The following DCDC1 variants were observed in gnomAD, a reference collection of about 807,000 sequenced individuals.
DCDC1 encodes doublecortin domain-containing protein 1.
DCDC1 carries 200 observed loss-of-function variants against 178.3 expected under a neutral mutation model. That is an observed-to-expected ratio of 1.12 (90% CI 1.00 to 1.26). DCDC1 has a LOEUF of 1.26. Among genes scored for constraint, DCDC1 ranks in the 50% most tolerant of loss-of-function variants. DCDC1 has a pLI of 0.00. For synonymous variants in DCDC1, 690 were observed against 604.8 expected, an observed-to-expected ratio of 1.14 and a Z score of -2.07; for missense variants, 1,983 against 1,749.2, an observed-to-expected ratio of 1.13 and a Z score of -2.38.
chr11:31,208,338 C>A (rs1972103230), intron 9 of DCDC1, among the ~76,000 whole-genome samples: 1 of 152,142 alleles, frequency 6.6e-6, no homozygotes, highest in African/African-American at 2.4e-5. Flanking sequence ...TCTTGCCTTT[C>A]CCTCACACAC....
At chr11:31,142,459 T>A (rs1180240820) in intron 9 of DCDC1, among the ~76,000 whole-genome samples, 4 of 150,864 alleles carry the variant, frequency 2.7e-5, no homozygotes, top group Non-Finnish European at 5.9e-5. Flanking sequence ...GACTATCAAA[T>A]GGAGTTTTCA....
intron 1 of DCDC1, among the ~76,000 whole-genome samples, chr11:31,369,266 T>C (rs1379707542): frequency 6.6e-6 from 1 of 152,210 alleles, no homozygotes; most frequent in Non-Finnish European, 1.5e-5. Context: ...AACGTTTTTA[T>C]GTTGTAAGTT....
chr11:30,869,147 G>C (rs904305077), intron 38 of DCDC1, among the ~76,000 whole-genome samples: 22 of 152,204 alleles, frequency 1.4e-4, no homozygotes, highest in Admixed American at 1.4e-3. Context: ...CAGGCTGTTG[G>C]AGTGTTTTGA....
At chr11:31,083,254 C>G (rs927125036) in intron 17 of DCDC1, among the ~76,000 whole-genome samples, 7 of 152,128 alleles carry the variant, frequency 4.6e-5, no homozygotes, top group Admixed American at 1.3e-4. Context: ...TGAAATTGGA[C>G]AGGGTTCCAT....
rs1940839923 is a variant in DCDC1 at position 30,864,649 on chromosome 11, G to A, written c.*724C>T. The A allele has an allele frequency of 6.6e-6, 1 of 152,230 alleles. No individual in the cohort carries two copies. The highest frequency in any genetic ancestry group is 1.5e-5 in the Non-Finnish European group (1 of 68,042). 9.4% of individuals were successfully genotyped at this position (152,230 alleles called of 1,614,324 possible). ...ATGAGTTTTATCAGTGAGCCCTTGT[G>A]GGTAGAGCTCTGTCCCAAGTAAATA... On this transcript the variant is annotated 3_prime_UTR_variant, in exon 39 of 39. Transcript: ENST00000684477.
rs1218448643 is a variant in DCDC1, at chr11:31,290,758, A to G, written c.849T>C (p.Ser283=). 6.2e-7 allele frequency: 1 copy of G among 1,613,418 alleles called. No individual in the cohort carries two copies. Among genetic ancestry groups the G allele is most frequent in the African/African-American group, 1.3e-5 (1 of 74,904 alleles). ...IKRRKTKPVL[S]IRMKKLTERT... Reference sequence around the variant, plus strand: ...TCTCAGTAAGTTTCTTCATTCTAATAGAAAGAACAGGCTTGGTTTTCCGTC... The same window carrying G: ...TCTCAGTAAGTTTCTTCATTCTAATGGAAAGAACAGGCTTGGTTTTCCGTC... Residue 283 remains serine (S), a synonymous_variant, in exon 7 of 39, where the codon TCT becomes TCC. Coordinates refer to ENST00000684477, the MANE Select transcript of DCDC1 (RefSeq NM_001387274.1).
At chr11:31,314,642 T>A (rs1013284932) in intron 3 of DCDC1, 3 of 152,200 alleles carry the variant, frequency 2.0e-5, no homozygotes, top group Non-Finnish European at 2.9e-5. Context: ...ACTATCATCT[T>A]TTTTGAGGCC....
In DCDC1 at chr11:31,094,114, C is replaced by T. The variant is rs376728280; in HGVS notation, c.2054G>A (p.Ser685Asn). ...GKWSFSGSEA[S>N]SRSQIAPSIL... Reference sequence around the variant, plus strand: ...CGATGGCGCTATTTGACTCCTGCTGCTTGCTTCACTGCCTGAGAAACTCCA... The same window carrying T: ...CGATGGCGCTATTTGACTCCTGCTGTTTGCTTCACTGCCTGAGAAACTCCA... The change falls in exon 16 of 39, where the codon AGC becomes AAC. Residue 685 changes from serine to asparagine, a missense_variant. By Grantham distance (46) the Ser-to-Asn change is conservative. Coordinates refer to ENST00000684477, the MANE Select transcript of DCDC1 (RefSeq NM_001387274.1). 1.1e-4 allele frequency: 84 copies of T among 766,124 alleles called. No individual in the cohort carries two copies. The African/African-American group carries it at 1.4e-3, about 12-fold the overall frequency. 47.5% of individuals were successfully genotyped at this position (766,124 alleles called of 1,614,324 possible). A position where few individuals can be genotyped will look rare whatever the true frequency, so the allele number is the denominator to read the frequency against.
chr11:31,172,419 C>T (rs908703792), intron 9 of DCDC1, among the ~76,000 whole-genome samples: 1 of 152,038 alleles, frequency 6.6e-6, no homozygotes, highest in Admixed American at 6.6e-5. Flanking sequence ...AAAATATTTT[C>T]CATCTCTATT....
intron 22 of DCDC1, 112 bp from the exon 23 acceptor site, chr11:30,925,520 G>C: frequency 3.3e-6 from 3 of 905,202 alleles, no homozygotes; most frequent in Non-Finnish European, 5.2e-6. Context: ...CTCTCTGCAG[G>C]ACTGTTAGTC....
intron 12 of DCDC1, among the ~76,000 whole-genome samples, chr11:31,108,910 T>C (rs1227767834): frequency 6.6e-6 from 1 of 151,926 alleles, no homozygotes; most frequent in Admixed American, 6.6e-5. Context: ...CTGAAAAGAG[T>C]GTGAAACATC....
intron 20 of DCDC1, among the ~76,000 whole-genome samples, chr11:31,049,719 T>C (rs289092): frequency 0.089 from 13,588 of 152,214 alleles, 821 homozygotes; most frequent in East Asian, 0.29. Context: ...GACCCTCCTC[T>C]CCCAAACACA....
At chr11:31,164,707 A>G (rs1414984411) in intron 9 of DCDC1, among the ~76,000 whole-genome samples, 1 of 152,220 alleles carries the variant, frequency 6.6e-6, no homozygotes, top group Non-Finnish European at 1.5e-5. Context: ...TTTATAAAGT[A>G]AAAATGTTAC....
chr11:31,309,747 T>C (rs1412150328), intron 3 of DCDC1, among the ~76,000 whole-genome samples: 2 of 152,212 alleles, frequency 1.3e-5, no homozygotes, highest in African/African-American at 4.8e-5. Context: ...ATTTTTAACA[T>C]AACAATCCAT....
chr11:30,949,130 T>A (rs1269338518), intron 21 of DCDC1, among the ~76,000 whole-genome samples: 1 of 152,100 alleles, frequency 6.6e-6, no homozygotes, highest in African/African-American at 2.4e-5. Flanking sequence ...ATATCCAGAA[T>A]CTACAAAGAA....
At chr11:31,234,426 A>G (rs1156567181) in intron 9 of DCDC1, among the ~76,000 whole-genome samples, 2 of 152,210 alleles carry the variant, frequency 1.3e-5, no homozygotes, top group African/African-American at 4.8e-5. Context: ...AAGCCACTAT[A>G]TATGTCTCTG....
intron 2 of DCDC1, among the ~76,000 whole-genome samples, chr11:31,329,310 A>T (rs1195346253): frequency 6.6e-6 from 1 of 152,100 alleles, no homozygotes; most frequent in Non-Finnish European, 1.5e-5. Flanking sequence ...CCAGCTATTT[A>T]AAAAAACCAC....
chr11:30,902,839 T>A (rs1338000064), intron 32 of DCDC1, among the ~76,000 whole-genome samples: 1 of 152,128 alleles, frequency 6.6e-6, no homozygotes, highest in African/African-American at 2.4e-5. Context: ...AAGACTTGCT[T>A]TTATTTAGCA....
chr11:31,043,965 G>A (rs994287416), intron 20 of DCDC1, among the ~76,000 whole-genome samples: 3 of 151,986 alleles, frequency 2.0e-5, no homozygotes, highest in African/African-American at 7.3e-5. Context: ...CAGGAGTGTG[G>A]TAGATAGAAT....
Sources: allele counts gnomAD v4.1 joint callset (sites outside exome capture counted in the v4.1 genomes callset), GRCh38; gene constraint gnomAD v4.1.1; transcripts MANE v1.5; gene names NCBI Gene and HGNC (gene_info 2026-07-23, HGNC 2026-07-21).